Variants in ZNF385D observed in about 807,000 individuals in gnomAD.
The protein encoded by ZNF385D is zinc finger protein 659.
A neutral mutation model predicts 35.8 loss-of-function variants in ZNF385D; 15 were observed. The ratio of observed to expected loss-of-function variants is 0.42; its 90% CI spans 0.28 to 0.64. ZNF385D has a LOEUF of 0.64. Ranked by LOEUF, ZNF385D falls within the 30% of genes least tolerant of loss-of-function variation. The probability of loss-of-function intolerance (pLI) is 0.23; values close to 1 mark genes in which losing one functional copy is unlikely to be tolerated. For synonymous variants in ZNF385D, 212 were observed against 186.8 expected (o/e 1.13, Z -1.10); for missense variants, 474 against 494.6 (o/e 0.96, Z 0.39).
chr3:21,970,417 T>C (rs750513801), intron 3 of ZNF385D, among the ~76,000 whole-genome samples: 27 of 151,862 alleles, frequency 1.8e-4, no homozygotes, highest in Non-Finnish European at 3.8e-4. Context: ...TACTGTAAAA[T>C]GCATTAGGGT....
chr3:22,261,257 G>C (rs1700615478), intron 2 of ZNF385D, among the ~76,000 whole-genome samples: 2 of 151,942 alleles, frequency 1.3e-5, no homozygotes, highest in South Asian at 2.1e-4. Flanking sequence ...GGAGGAGACA[G>C]AGAACCAGCT....
At chr3:21,929,478 A>C (rs991002007) in intron 3 of ZNF385D, among the ~76,000 whole-genome samples, 2 of 152,048 alleles carry the variant, frequency 1.3e-5, no homozygotes, top group Admixed American at 6.6e-5. Context: ...AATTAGGCCC[A>C]AAAAAGTGTT....
chr3:21,495,354 A>T (rs1480165843), intron 4 of ZNF385D, among the ~76,000 whole-genome samples: 1 of 152,126 alleles, frequency 6.6e-6, no homozygotes, highest in Non-Finnish European at 1.5e-5. Context: ...AAAAAATAAC[A>T]TAAGTTCCAA....
intron 3 of ZNF385D, among the ~76,000 whole-genome samples, chr3:22,091,638 A>T (rs1559362019): frequency 6.6e-6 from 1 of 152,252 alleles, no homozygotes; most frequent in Non-Finnish European, 1.5e-5. Flanking sequence ...ACATAAATGG[A>T]AACAGCTTCT....
chr3:21,899,616 T>C (rs1699301918), intron 3 of ZNF385D, among the ~76,000 whole-genome samples: 1 of 152,136 alleles, frequency 6.6e-6, no homozygotes, highest in East Asian at 1.9e-4. Flanking sequence ...CATTTATCAG[T>C]TGTGACATTA....
At chr3:22,238,269 T>G (rs2125309458) in intron 2 of ZNF385D, among the ~76,000 whole-genome samples, 1 of 151,196 alleles carries the variant, frequency 6.6e-6, no homozygotes, top group South Asian at 2.2e-4. Flanking sequence ...TTGGTTTTTC[T>G]TTTCCAGATT....
chr3:22,161,897 G>A (rs1358679155), intron 3 of ZNF385D, among the ~76,000 whole-genome samples: 1 of 152,190 alleles, frequency 6.6e-6, no homozygotes, highest in African/African-American at 2.4e-5. Flanking sequence ...GGAGATTAAT[G>A]AGTTGTCAAT....
intron 2 of ZNF385D, among the ~76,000 whole-genome samples, chr3:22,339,081 G>C (rs1326039557): frequency 6.6e-6 from 1 of 152,078 alleles, no homozygotes; most frequent in Non-Finnish European, 1.5e-5. Flanking sequence ...ATAAATGTGT[G>C]TGCATACACA....
At chr3:22,135,566 A>C (rs977351245) in intron 3 of ZNF385D, among the ~76,000 whole-genome samples, 4 of 152,212 alleles carry the variant, frequency 2.6e-5, no homozygotes, top group Non-Finnish European at 5.9e-5. Flanking sequence ...AAATTGATCA[A>C]TGGGTTTAAT....
intron 3 of ZNF385D, among the ~76,000 whole-genome samples, chr3:21,993,739 G>A (rs890627029): frequency 5.9e-5 from 9 of 152,078 alleles, no homozygotes; most frequent in African/African-American, 2.2e-4. Context: ...AAACATTCCT[G>A]CAGATCATTT....
chr3:21,883,102 C>T (rs896215918), intron 3 of ZNF385D, among the ~76,000 whole-genome samples: 5 of 151,840 alleles, frequency 3.3e-5, no homozygotes, highest in Admixed American at 6.6e-5. Context: ...GAAAACAACA[C>T]ATATCATCTT....
intron 1 of ZNF385D, among the ~76,000 whole-genome samples, chr3:21,734,569 G>A (rs2125500592): frequency 6.6e-6 from 1 of 152,140 alleles, no homozygotes; most frequent in Admixed American, 6.5e-5. Flanking sequence ...AAGTAAGATG[G>A]ACAACATGAG....
chr3:21,864,690 G>C (rs926452101), intron 3 of ZNF385D, among the ~76,000 whole-genome samples: 2 of 151,972 alleles, frequency 1.3e-5, no homozygotes, highest in Non-Finnish European at 2.9e-5. Context: ...GAGTCTTTTT[G>C]CTATGGGTTT....
chr3:22,285,407 CTG>C lies in ZNF385D; in HGVS notation c.106+87041_106+87042del, dbSNP rs200482882. On this transcript the variant is annotated intron_variant, in intron 2 of 5. Transcript: ENST00000494108. ...TTTTTCATTTAGTCAGTGAGAAAGA[CTG>C]AAACCATTTGAAAGTTTTGGGTTTG... Among the ~76,000 whole-genome samples, 440 of 152,232 alleles carry C rather than the reference CTG, an allele frequency of 2.9e-3. 4 individuals are homozygous for C. In the East Asian group the frequency reaches 0.029, roughly 10 times the overall value.
At chr3:21,973,435 A>G (rs1181273232) in intron 3 of ZNF385D, among the ~76,000 whole-genome samples, 1 of 152,028 alleles carries the variant, frequency 6.6e-6, no homozygotes, top group Non-Finnish European at 1.5e-5. Flanking sequence ...AATAAAAGTC[A>G]TATATGACAG....
chr3:21,771,983 G>T (rs2125613939), intron 3 of ZNF385D, among the ~76,000 whole-genome samples: 1 of 151,998 alleles, frequency 6.6e-6, no homozygotes, highest in East Asian at 1.9e-4. Flanking sequence ...TGAGGAACAA[G>T]TAATCTCTTC....
intron 3 of ZNF385D, among the ~76,000 whole-genome samples, chr3:22,116,930 A>C (rs1035182778): frequency 6.6e-6 from 1 of 152,034 alleles, no homozygotes; most frequent in Non-Finnish European, 1.5e-5. Context: ...TGTTTAGGTC[A>C]TTTGGCCATC....
At chr3:21,798,009 CTG>C (rs2072230217) in intron 3 of ZNF385D, among the ~76,000 whole-genome samples, 1 of 152,130 alleles carries the variant, frequency 6.6e-6, no homozygotes, top group African/African-American at 2.4e-5. Flanking sequence ...AACCCTAGTG[CTG>C]TAGTGTAAAC....
intron 3 of ZNF385D, among the ~76,000 whole-genome samples, chr3:22,125,947 G>T (rs9843869): frequency 4.0e-5 from 6 of 151,778 alleles, no homozygotes; most frequent in African/African-American, 1.5e-4. Flanking sequence ...TTTCAGTACT[G>T]TGTTGAATAA....
Sources: gnomAD v4.1 joint callset for allele counts (sites outside exome capture counted in the v4.1 genomes callset) on GRCh38, gnomAD v4.1.1 for gene constraint, MANE v1.5 for transcripts, NCBI Gene and HGNC (gene_info 2026-07-23, HGNC 2026-07-21) for gene names.